Variants in SBF2 observed in about 807,000 individuals in gnomAD.
SBF2 encodes SET binding factor 2.
In SBF2, 112 loss-of-function variants were observed where a neutral mutation model predicts 225.2. The ratio of observed to expected loss-of-function variants is 0.50; its 90% CI spans 0.43 to 0.58. SBF2 has a LOEUF of 0.58. SBF2 is among the 20% of genes least tolerant of loss of function. The probability of loss-of-function intolerance (pLI) is 0.00; values close to 1 mark genes in which losing one functional copy is unlikely to be tolerated. For missense variants in SBF2, 1,996 were observed against 2,206.2 expected (o/e 0.90, Z 1.91); for synonymous variants, 763 against 773.3 (o/e 0.99, Z 0.22).
chr11:9,952,771 C>T (rs1040741978), intron 16 of SBF2, among the ~76,000 whole-genome samples: 1 of 152,164 alleles, frequency 6.6e-6, no homozygotes, highest in East Asian at 1.9e-4. Flanking sequence ...ACTATACTCA[C>T]TAATATGGAA....
At chr11:10,297,215 T>C (rs1434890965), upstream of SBF2, among the ~76,000 whole-genome samples, 4 of 151,978 alleles carry the variant, frequency 2.6e-5, no homozygotes, top group African/African-American at 4.8e-5. Flanking sequence ...TTCCTATTTT[T>C]ATTTTATTTT....
intron 13 of SBF2, among the ~76,000 whole-genome samples, chr11:9,981,716 C>T (rs892383960): frequency 6.1e-4 from 46 of 75,636 alleles, no homozygotes; most frequent in Non-Finnish European, 1.3e-3. Context: ...GTTGTCTTTG[C>T]AGAAGTTATT....
chr11:9,957,583 CT>C (rs1866261251), intron 16 of SBF2: 1 of 152,050 alleles, frequency 6.6e-6, no homozygotes, highest in Admixed American at 6.6e-5. Flanking sequence ...CCTCAGCCTC[CT>C]GAATAGCTGG....
chr11:10,173,094 A>C (rs1336237413), intron 2 of SBF2, among the ~76,000 whole-genome samples: 2 of 152,244 alleles, frequency 1.3e-5, no homozygotes, highest in Non-Finnish European at 2.9e-5. Context: ...TATTGTGGTC[A>C]GAGAAGATAC....
At chr11:10,163,578 A>G (rs947779974) in intron 2 of SBF2, among the ~76,000 whole-genome samples, 10 of 152,182 alleles carry the variant, frequency 6.6e-5, no homozygotes, top group Non-Finnish European at 1.3e-4. Context: ...TTTGATCCAT[A>G]TATCTCTCCC....
At chr11:10,088,080 G>C (rs1951644706) in intron 2 of SBF2, among the ~76,000 whole-genome samples, 1 of 150,832 alleles carries the variant, frequency 6.6e-6, no homozygotes, top group Admixed American at 6.6e-5. Flanking sequence ...CTGGAGTGCA[G>C]TGGCGTGATC....
intron 17 of SBF2, among the ~76,000 whole-genome samples, chr11:9,878,258 A>T (rs1208299675): frequency 6.6e-6 from 1 of 151,816 alleles, no homozygotes; most frequent in Non-Finnish European, 1.5e-5. Context: ...TTTTCTCGTA[A>T]ATTTCTTTAA....
chr11:10,105,047 T>TC (rs540415788), intron 2 of SBF2, among the ~76,000 whole-genome samples: 1 of 152,214 alleles, frequency 6.6e-6, no homozygotes, highest in African/African-American at 2.4e-5. Context: ...GGCCTTTTTT[T>TC]CCCCCTGTAA....
At chr11:9,839,983 T>A (rs1178500814) in intron 25 of SBF2, among the ~76,000 whole-genome samples, 1 of 152,218 alleles carries the variant, frequency 6.6e-6, no homozygotes, top group Non-Finnish European at 1.5e-5. Context: ...ACGCCTGTAA[T>A]CCCAGCACTG....
intron 32 of SBF2, among the ~76,000 whole-genome samples, chr11:9,799,377 G>A (rs1048248201): frequency 2.0e-5 from 3 of 152,152 alleles, no homozygotes; most frequent in African/African-American, 7.2e-5. Flanking sequence ...TATACGCTTG[G>A]GGGCACTATG....
At chr11:10,116,667 T>C (rs1194863812) in intron 2 of SBF2, among the ~76,000 whole-genome samples, 1 of 152,132 alleles carries the variant, frequency 6.6e-6, no homozygotes, top group Non-Finnish European at 1.5e-5. Context: ...CTTTTTTTTT[T>C]CCTCCACAAT....
intron 1 of SBF2, among the ~76,000 whole-genome samples, chr11:10,262,314 T>C (rs1961524682): frequency 6.6e-6 from 1 of 152,114 alleles, no homozygotes; most frequent in African/African-American, 2.4e-5. Flanking sequence ...TATACAGGCG[T>C]TTGGTATAAA....
chr11:10,132,672 G>A (rs1302194411), intron 2 of SBF2, among the ~76,000 whole-genome samples: 1 of 148,910 alleles, frequency 6.7e-6, no homozygotes, highest in Non-Finnish European at 1.5e-5. Context: ...GCAGTAGCAA[G>A]ATTTATTGCA....
chr11:10,170,657 T>C (rs1956147326), intron 2 of SBF2, among the ~76,000 whole-genome samples: 1 of 152,166 alleles, frequency 6.6e-6, no homozygotes, highest in Non-Finnish European at 1.5e-5. Flanking sequence ...ATATAAACTT[T>C]AGAACTGTTT....
At chr11:10,138,400 C>T (rs913161703) in intron 2 of SBF2, among the ~76,000 whole-genome samples, 1 of 152,094 alleles carries the variant, frequency 6.6e-6, no homozygotes, top group Non-Finnish European at 1.5e-5. Flanking sequence ...ATTGTATCAT[C>T]CCCTCAAAGA....
intron 1 of SBF2, among the ~76,000 whole-genome samples, chr11:10,235,885 T>G (rs1348583226): frequency 1.3e-5 from 2 of 152,038 alleles, no homozygotes; most frequent in Non-Finnish European, 2.9e-5. Flanking sequence ...CTAAGCAACA[T>G]AGTGAGACCC....
intron 26 of SBF2, among the ~76,000 whole-genome samples, chr11:9,836,152 A>G (rs934915188): frequency 6.6e-6 from 1 of 152,122 alleles, no homozygotes; most frequent in African/African-American, 2.4e-5. Flanking sequence ...TACTTTATAG[A>G]TAATGTTTTT....
intron 38 of SBF2, among the ~76,000 whole-genome samples, chr11:9,782,490 C>T (rs1047566905): frequency 2.0e-5 from 3 of 152,124 alleles, no homozygotes; most frequent in Non-Finnish European, 2.9e-5. Flanking sequence ...ATCTCAAATA[C>T]TGCCAGTGTG....
intron 1 of SBF2, among the ~76,000 whole-genome samples, chr11:10,281,701 T>C (rs1349683490): frequency 6.6e-6 from 1 of 152,150 alleles, no homozygotes; most frequent in Non-Finnish European, 1.5e-5. Flanking sequence ...TTCACAACTC[T>C]ATATACTCTA....
Sources: gnomAD v4.1 joint callset for allele counts (sites outside exome capture counted in the v4.1 genomes callset) on GRCh38, gnomAD v4.1.1 for gene constraint, MANE v1.5 for transcripts, NCBI Gene and HGNC (gene_info 2026-07-23, HGNC 2026-07-21) for gene names.